FEZ2: variants seen among roughly 807,000 people sequenced by gnomAD.
The protein encoded by FEZ2 is fasciculation and elongation protein zeta 2.
FEZ2 carries 51 observed loss-of-function variants against 40.4 expected under a neutral mutation model. That is an observed-to-expected ratio of 1.26 (90% CI 1.01 to 1.59). The LOEUF (loss-of-function observed/expected upper bound fraction) is 1.59. FEZ2 is among the 40% of genes most tolerant of loss of function. FEZ2 has a pLI of 0.00. For synonymous variants in FEZ2, 242 were observed against 172.0 expected, an observed-to-expected ratio of 1.41 and a Z score of -3.18; for missense variants, 640 against 438.3, an observed-to-expected ratio of 1.46 and a Z score of -4.11.
chr2:36,569,136 T>C (rs1332244428), intron 5 of FEZ2, among the ~76,000 whole-genome samples: 2 of 152,218 alleles, frequency 1.3e-5, no homozygotes, highest in African/African-American at 4.8e-5. Context: ...ATAATAACAA[T>C]AATACCTTCT....
chr2:36,589,027 T>G (rs1668992004), intron 2 of FEZ2, among the ~76,000 whole-genome samples: 1 of 152,350 alleles, frequency 6.6e-6, no homozygotes, highest in East Asian at 1.9e-4. Flanking sequence ...TAGAAAATAT[T>G]TTTTTAAAAC....
rs530195128 is a variant in FEZ2, at chr2:36,553,112, T to A, written c.*51A>T. On this transcript the variant is annotated 3_prime_UTR_variant, in exon 8 of 8. Transcript: ENST00000405912. Reference sequence around the variant, plus strand: ...GGGTAATGGTAGCCAGCTCTCAGAATAATGCTGTCGGAAATCTAGCTTGGA... The same window carrying A: ...GGGTAATGGTAGCCAGCTCTCAGAAAAATGCTGTCGGAAATCTAGCTTGGA... 8.9e-5 allele frequency: 135 copies of A among 1,508,532 alleles called. 4 individuals carry two copies. In the South Asian group the frequency reaches 1.6e-3, roughly 18 times the overall value. The allele number at this position is 1,508,532 out of a possible 1,614,324, so 93.4% of individuals were successfully genotyped here. A position where few individuals can be genotyped will look rare whatever the true frequency, so the allele number is the denominator to read the frequency against.
Position 36,552,275 on chromosome 2 carries a change from AT to A in FEZ2, c.*887del. On this transcript the variant is annotated 3_prime_UTR_variant, in exon 8 of 8. Transcript: ENST00000405912. ...AACATGTATTTTTACTTCTTAAAAAATTTATTAAATGCCATTGATTTGACTG... is the reference window on the plus strand; with the variant it reads ...AACATGTATTTTTACTTCTTAAAAAATTATTAAATGCCATTGATTTGACTG... 2 of 447,758 alleles carry A rather than the reference AT, an allele frequency of 4.5e-6. No individual in the cohort carries two copies. Among genetic ancestry groups the A allele is most frequent in the Non-Finnish European group, 9.1e-6 (2 of 220,494 alleles). 27.7% of individuals were successfully genotyped at this position (447,758 alleles called of 1,614,324 possible). A position where few individuals can be genotyped will look rare whatever the true frequency, so the allele number is the denominator to read the frequency against.
intron 3 of FEZ2, among the ~76,000 whole-genome samples, chr2:36,582,483 G>A (rs776781352): frequency 2.6e-5 from 4 of 152,126 alleles, no homozygotes; most frequent in South Asian, 2.1e-4. Context: ...TACGGTATTA[G>A]GCAGGTCAGT....
chr2:36,590,942 C>T lies in FEZ2; in HGVS notation c.336G>A (p.Arg112=), dbSNP rs1490336949. ...MPVDWKSSHT[R]TLHLLTLNLS... is the part of the protein sequence containing the mutation. The stretch of plus-strand genomic sequence containing the variant: ...GGTTCAGAGTAAGCAAGTGCAAGGT[C>T]CTAGTATGCGATGACTTCCAGTCTA... The change falls in exon 2 of 8, where the codon AGG becomes AGA. Residue 112 remains arginine (R), a synonymous_variant. Coordinates refer to ENST00000405912, the MANE Select transcript of FEZ2 (RefSeq NM_005102.3). The T allele has an allele frequency of 1.2e-6, 2 of 1,612,636 alleles. No individual in the cohort carries two copies. Among genetic ancestry groups the T allele is most frequent in the Admixed American group, 3.3e-5 (2 of 60,026 alleles).
chr2:36,587,228 C>G (rs1173305192), intron 2 of FEZ2, among the ~76,000 whole-genome samples: 5 of 152,130 alleles, frequency 3.3e-5, no homozygotes, highest in African/African-American at 1.2e-4. Flanking sequence ...CAGAAATGAT[C>G]CCAGATCATC....
chr2:36,572,564 C>G (rs1668448389), intron 5 of FEZ2, among the ~76,000 whole-genome samples: 1 of 152,192 alleles, frequency 6.6e-6, no homozygotes, highest in African/African-American at 2.4e-5. Flanking sequence ...GGCAACCACT[C>G]AACTCTGTCC....
chr2:36,586,284 C>T (rs557695384), intron 2 of FEZ2, among the ~76,000 whole-genome samples: 22 of 152,218 alleles, frequency 1.4e-4, no homozygotes, highest in African/African-American at 5.3e-4. Flanking sequence ...ACTTGAGGAC[C>T]ATGATTTTGT....
rs544576627 is a variant in FEZ2 at position 36,589,433 on chromosome 2, G to A, written c.375+1470C>T. 5.9e-5 allele frequency among the ~76,000 whole-genome samples: 9 copies of A among 152,356 alleles called. No individual in the cohort carries two copies. In the South Asian group the frequency reaches 1.9e-3, roughly 32 times the overall value. ...TGACCATCTGTCAGAGATGCTGGAG[G>A]TGAGGATTCCCCCCAAGTGAGAGGC... On this transcript the variant is annotated intron_variant, in intron 2 of 7. Coordinates refer to ENST00000405912, the MANE Select transcript of FEZ2 (RefSeq NM_005102.3).
At chr2:36,579,280 G>A (rs1668667202) in intron 4 of FEZ2, among the ~76,000 whole-genome samples, 1 of 152,196 alleles carries the variant, frequency 6.6e-6, no homozygotes, top group Admixed American at 6.5e-5. Context: ...GGATATCTCT[G>A]AACAGGAAAG....
Sources: gnomAD v4.1 joint callset for allele counts (sites outside exome capture counted in the v4.1 genomes callset) on GRCh38, gnomAD v4.1.1 for gene constraint, MANE v1.5 for transcripts, NCBI Gene and HGNC (gene_info 2026-07-23, HGNC 2026-07-21) for gene names.